Variants in MSH3 observed in about 807,000 individuals in gnomAD.
MSH3 encodes the protein mutS homolog 3.
In MSH3, 106 loss-of-function variants were observed where a neutral mutation model predicts 123.3. That is an observed-to-expected ratio of 0.86 (90% CI 0.73 to 1.01). The LOEUF is 1.01. Among genes scored for constraint, MSH3 ranks in the 50% least tolerant of loss-of-function variants. The pLI is 0.00. For missense variants in MSH3, 1,459 were observed against 1,347.6 expected, an observed-to-expected ratio of 1.08 and a Z score of -1.29; for synonymous variants, 515 against 481.4, an observed-to-expected ratio of 1.07 and a Z score of -0.91.
At chr5:80,843,959 C>T (rs1745672717) in intron 20 of MSH3, among the ~76,000 whole-genome samples, 1 of 151,622 alleles carries the variant, frequency 6.6e-6, no homozygotes, top group African/African-American at 2.4e-5. Context: ...TTTGTTTGCT[C>T]TTGCTTCTCT....
chr5:80,722,944 A>G lies in MSH3; in HGVS notation c.1341-2509A>G, dbSNP rs567775641. Among the ~76,000 whole-genome samples the G allele has an allele frequency of 2.3e-3, 343 of 152,164 alleles. 4 individuals are homozygous for G. The highest frequency in any genetic ancestry group is 8.0e-3 in the African/African-American group (331 of 41,534). On this transcript the variant is annotated intron_variant, in intron 8 of 23. Transcript: ENST00000265081. ...ACATGGCGAAACCCTGTATCTACTAAAAATACAAAAAAATTAGCTGGGCGT... is the reference window on the plus strand; with the variant it reads ...ACATGGCGAAACCCTGTATCTACTAGAAATACAAAAAAATTAGCTGGGCGT...
At position 80,694,635 on chromosome 5, in the gene MSH3, A is replaced by G. The variant is rs544076959; in HGVS notation, c.1340+15542A>G. 7.2e-5 allele frequency among the ~76,000 whole-genome samples: 11 copies of G among 151,892 alleles called. No individual in the cohort carries two copies. In the South Asian group the frequency reaches 2.3e-3, roughly 32 times the overall value. ...CCTTTTTGTTTAGAGAACTTCCTTT[A>G]ACCATTCTTTTAGAGTAGCTCTGCT... On this transcript the variant is annotated intron_variant, in intron 8 of 23. Transcript: ENST00000265081.
chr5:80,759,085 C>T (rs1318842193), intron 12 of MSH3, among the ~76,000 whole-genome samples: 1 of 152,154 alleles, frequency 6.6e-6, no homozygotes, highest in Non-Finnish European at 1.5e-5. Flanking sequence ...TCTTGATTTA[C>T]TTTATATGTA....
chr5:80,662,764 T>G (rs1290886703), intron 2 of MSH3, among the ~76,000 whole-genome samples: 1 of 151,712 alleles, frequency 6.6e-6, no homozygotes, highest in African/African-American at 2.4e-5. Flanking sequence ...GAGGCAGAGG[T>G]TGCAGTGAGC....
At chr5:80,672,628 G>A (rs1324019059) in intron 5 of MSH3, 113 bp from the exon 6 acceptor site, 7 of 906,510 alleles carry the variant, frequency 7.7e-6, no homozygotes, top group African/African-American at 4.9e-5. Flanking sequence ...ACATCTGAAC[G>A]TTGTGGACTG....
rs371572340 is a variant in MSH3 at position 80,829,018 on chromosome 5, C to T, written c.2813+15277C>T. Among the ~76,000 whole-genome samples the T allele has an allele frequency of 3.9e-5, 6 of 152,312 alleles. No homozygotes were observed. The East Asian group carries it at 9.7e-4, about 25-fold the overall frequency. On this transcript the variant is annotated intron_variant, in intron 20 of 23. Coordinates refer to ENST00000265081, the MANE Select transcript of MSH3 (RefSeq NM_002439.5). ...CTCTCTGCTCCACTAGACATTACCC[C>T]ACTTGGGGTTGTCTGTCCTGGCTCT...
intron 8 of MSH3, among the ~76,000 whole-genome samples, chr5:80,721,780 A>G (rs920053158): frequency 1.3e-5 from 2 of 152,248 alleles, no homozygotes; most frequent in African/African-American, 4.8e-5. Context: ...ATAAAATATT[A>G]TATCAAGGAA....
chr5:80,854,377 G>A, intron 21 of MSH3, 61 bp downstream of exon 21: 1 of 1,466,628 alleles, frequency 6.8e-7, no homozygotes. Flanking sequence ...ATTTTTAAAT[G>A]ACAGTCATAA....
chr5:80,660,139 A>C (rs1195904702), intron 2 of MSH3, among the ~76,000 whole-genome samples: 1 of 152,130 alleles, frequency 6.6e-6, no homozygotes, highest in South Asian at 2.1e-4. Context: ...TTGGACTTAC[A>C]GTTCCACATG....
At chr5:80,837,403 A>AC (rs1389439100) in intron 20 of MSH3, among the ~76,000 whole-genome samples, 1 of 151,958 alleles carries the variant, frequency 6.6e-6, no homozygotes, top group East Asian at 1.9e-4. Flanking sequence ...ATGTGGCAAA[A>AC]CCCCATCTCT....
rs191159680 is a variant in MSH3 at position 80,678,436 on chromosome 5, G to C, written c.1174-491G>C. On this transcript the variant is annotated intron_variant, in intron 7 of 23. Transcript: ENST00000265081. ...TATACATTTTATGTGTTACTTTGAT[G>C]TATGAAGTAGTAATTTACTACAGTA... 3.6e-4 allele frequency among the ~76,000 whole-genome samples: 55 copies of C among 152,378 alleles called. No homozygotes were observed. In the East Asian group the frequency reaches 0.01, roughly 28 times the overall value.
At chr5:80,823,043 T>C (rs1235253594) in intron 20 of MSH3, among the ~76,000 whole-genome samples, 1 of 152,188 alleles carries the variant, frequency 6.6e-6, no homozygotes, top group Non-Finnish European at 1.5e-5. Context: ...GTGGGTAGTG[T>C]TATGTGGAAA....
At chr5:80,752,510 T>C (rs537619791) in intron 12 of MSH3, among the ~76,000 whole-genome samples, 1 of 152,284 alleles carries the variant, frequency 6.6e-6, no homozygotes, top group Admixed American at 6.5e-5. Context: ...AGCATAGTTT[T>C]GGAGTTAATG....
chr5:80,659,574 C>T (rs1749381768), intron 2 of MSH3, among the ~76,000 whole-genome samples: 1 of 152,192 alleles, frequency 6.6e-6, no homozygotes, highest in Admixed American at 6.5e-5. Flanking sequence ...TAGCATGTAT[C>T]AGTACTTCAT....
At chr5:80,832,074 C>T (rs1745429283) in intron 20 of MSH3, among the ~76,000 whole-genome samples, 1 of 151,992 alleles carries the variant, frequency 6.6e-6, no homozygotes, top group African/African-American at 2.4e-5. Flanking sequence ...CGCGCCACTG[C>T]ACTCCAGCCT....
chr5:80,712,518 C>T (rs1395585200), intron 8 of MSH3, among the ~76,000 whole-genome samples: 1 of 151,890 alleles, frequency 6.6e-6, no homozygotes, highest in African/African-American at 2.4e-5. Flanking sequence ...TGTTGTTTTT[C>T]AGCCATCTTT....
At chr5:80,845,353 C>T (rs1026879458) in intron 20 of MSH3, among the ~76,000 whole-genome samples, 51 of 152,060 alleles carry the variant, frequency 3.4e-4, no homozygotes, top group African/African-American at 1.1e-3. Flanking sequence ...TCATTTCAAC[C>T]TTGGTGAATC....
intron 13 of MSH3, among the ~76,000 whole-genome samples, chr5:80,764,822 A>G (rs1241234414): frequency 1.3e-5 from 2 of 152,210 alleles, no homozygotes; most frequent in Non-Finnish European, 2.9e-5. Context: ...AATCGCACTT[A>G]GCAAATGTTG....
intron 19 of MSH3, among the ~76,000 whole-genome samples, chr5:80,804,567 T>C (rs1056827519): frequency 6.6e-6 from 1 of 152,244 alleles, no homozygotes; most frequent in African/African-American, 2.4e-5. Flanking sequence ...CATAATATTC[T>C]GGAAAATTCC....
Sources: gnomAD v4.1 joint callset for allele counts (sites outside exome capture counted in the v4.1 genomes callset) on GRCh38, gnomAD v4.1.1 for gene constraint, MANE v1.5 for transcripts, NCBI Gene and HGNC (gene_info 2026-07-23, HGNC 2026-07-21) for gene names.